Variants in FBN1 observed in about 807,000 individuals in gnomAD.
FBN1 encodes fibrillin 1, also known as fibrillin-1.
A neutral mutation model predicts 365.1 loss-of-function variants in FBN1; 29 were observed. The ratio of observed to expected loss-of-function variants is 0.08; its 90% CI spans 0.06 to 0.11. FBN1 has a LOEUF of 0.11. Ranked by LOEUF, FBN1 falls within the 10% of genes least tolerant of loss-of-function variation. FBN1 has a pLI of 1.00. For synonymous variants in FBN1, 1,210 were observed against 1,270.5 expected (o/e 0.95, Z 1.01); for missense variants, 2,476 against 3,703.2 (o/e 0.67, Z 8.60).
chr15:48,551,407 C>T (rs993000848), intron 6 of FBN1, among the ~76,000 whole-genome samples: 1 of 152,070 alleles, frequency 6.6e-6, no homozygotes, highest in African/African-American at 2.4e-5. Context: ...ACTCCCTTGC[C>T]TGGCCTTTTG....
intron 2 of FBN1, chr15:48,642,413 T>C (rs1311527786): frequency 6.6e-6 from 1 of 152,112 alleles, no homozygotes; most frequent in Non-Finnish European, 1.5e-5. Flanking sequence ...TAGATCCATA[T>C]GAGTTAATAG....
chr15:48,417,155 G>C (rs1416901812), intron 63 of FBN1, among the ~76,000 whole-genome samples: 5 of 151,620 alleles, frequency 3.3e-5, no homozygotes, highest in African/African-American at 4.8e-5. Context: ...CATTTAAGCT[G>C]GTGCTTCCTT....
At chr15:48,415,386 T>G (rs2042894103) in intron 64 of FBN1, 150 bp downstream of exon 64, 4 of 694,104 alleles carry the variant, frequency 5.8e-6, no homozygotes, top group Non-Finnish European at 1.0e-5. Context: ...TAAAATAACC[T>G]AAAACTTTTG....
intron 8 of FBN1, chr15:48,528,980 CTCATTCAT>C (rs1435696480): frequency 6.6e-6 from 1 of 152,226 alleles, no homozygotes; most frequent in African/African-American, 2.4e-5. Context: ...CACTCTGAAA[CTCATTCAT>C]ATGAATTTAT....
At position 48,487,226 on chromosome 15, in the gene FBN1, C is replaced by T. The variant is rs764400546; in HGVS notation, c.3464-26G>A. ...CTGTCGGGAAAATAAGAAGAACAAA[C>T]ACCCAAACATAAGCTTCCAACTTTG... On this transcript the variant is annotated intron_variant, in intron 28 of 65. Coordinates refer to ENST00000316623, the MANE Select transcript of FBN1 (RefSeq NM_000138.5). 1.7e-5 allele frequency: 27 copies of T among 1,614,140 alleles called. No homozygotes were observed. The Admixed American group carries it at 4.3e-4, about 26-fold the overall frequency.
rs866328505 is a variant in FBN1 at position 48,528,157 on chromosome 15, C to G, written c.863-1902G>C. On this transcript the variant is annotated intron_variant, in intron 8 of 65. Transcript: ENST00000316623. ...CAATGTGGTATTAAATATTTTTTCTCAACCCATTAATATAAATGACAGCTA... is the reference window on the plus strand; with the variant it reads ...CAATGTGGTATTAAATATTTTTTCTGAACCCATTAATATAAATGACAGCTA... 3.3e-5 allele frequency among the ~76,000 whole-genome samples: 5 copies of G among 152,304 alleles called. No individual in the cohort carries two copies. The Middle Eastern group carries it at 0.014, about 414-fold the overall frequency.
At chr15:48,485,653 G>A (rs1283716818) in intron 29 of FBN1, among the ~76,000 whole-genome samples, 157 bp from the exon 30 acceptor site, 1 of 152,168 alleles carries the variant, frequency 6.6e-6, no homozygotes, top group African/African-American at 2.4e-5. Flanking sequence ...CTCATGGTGG[G>A]ATCGGTGCTG....
Position 48,448,806 on chromosome 15 carries a change from G to C in FBN1, c.5633C>G (p.Thr1878Ser). Residue 1878 changes from threonine (T) to serine (S), a missense_variant, in exon 46 of 66, where the codon ACT becomes AGT. Physicochemically the swap from Thr to Ser is moderately conservative, Grantham distance 58 (BLOSUM62 1). Transcript: ENST00000316623. ...TVGSFYCLCHTGFKTNDDQTM... is the reference protein window; with the variant it reads ...TVGSFYCLCHSGFKTNDDQTM... Reference sequence around the variant, plus strand: ...TTGGTCATCATTTGTTTTAAAACCAGTGTGGCAAAGGCAATAAAAGCTTCC... The same window carrying C: ...TTGGTCATCATTTGTTTTAAAACCACTGTGGCAAAGGCAATAAAAGCTTCC... 1.9e-6 allele frequency: 3 copies of C among 1,613,084 alleles called. No homozygotes were observed. The highest frequency in any genetic ancestry group is 2.5e-6 in the Non-Finnish European group (3 of 1,179,308).
intron 44 of FBN1, 100 bp downstream of exon 44, chr15:48,456,537 C>A (rs1328596616): frequency 1.7e-6 from 2 of 1,167,040 alleles, no homozygotes; most frequent in Admixed American, 1.7e-5. Flanking sequence ...GAGCTTAATG[C>A]ATTTCTGAAA....
At chr15:48,622,806 A>G (rs1056920066) in intron 2 of FBN1, among the ~76,000 whole-genome samples, 1 of 151,962 alleles carries the variant, frequency 6.6e-6, no homozygotes, top group Non-Finnish European at 1.5e-5. Context: ...GCCCTCACTC[A>G]TGCACGCACT....
At chr15:48,471,094 A>C (rs1286109666) in intron 35 of FBN1, among the ~76,000 whole-genome samples, 1 of 150,674 alleles carries the variant, frequency 6.6e-6, no homozygotes, top group Non-Finnish European at 1.5e-5. Context: ...TTTTTTTTTT[A>C]ATCTATCTAT....
intron 24 of FBN1, 126 bp from the exon 25 acceptor site, chr15:48,490,204 A>T (rs949076074): frequency 1.1e-6 from 1 of 871,626 alleles, no homozygotes; most frequent in African/African-American, 1.7e-5. Context: ...GACTGGAATT[A>T]GTTTTATTCC....
At chr15:48,533,901 T>G (rs1158030724) in intron 8 of FBN1, among the ~76,000 whole-genome samples, 179 bp downstream of exon 8, 1 of 151,978 alleles carries the variant, frequency 6.6e-6, no homozygotes, top group Non-Finnish European at 1.5e-5. Flanking sequence ...AGCTACAGGG[T>G]TTTTCTGGTC....
At chr15:48,566,119 G>A (rs1275422134) in intron 6 of FBN1, among the ~76,000 whole-genome samples, 1 of 152,174 alleles carries the variant, frequency 6.6e-6, no homozygotes, top group East Asian at 1.9e-4. Flanking sequence ...AGAGTTTGCT[G>A]TAATCATCTG....
intron 6 of FBN1, among the ~76,000 whole-genome samples, chr15:48,567,998 T>TAAGAAAGAAGGA (rs2044269922): frequency 3.5e-5 from 2 of 56,534 alleles, no homozygotes; most frequent in African/African-American, 1.0e-4. Context: ...AGTATACAGA[T>TAAGAAAGAAGGA]AAGAAAGAAA....
intron 6 of FBN1, among the ~76,000 whole-genome samples, chr15:48,563,972 A>G (rs2044242184): frequency 6.6e-6 from 1 of 152,192 alleles, no homozygotes; most frequent in South Asian, 2.1e-4. Context: ...CTATGTAAAA[A>G]CAGTGCTCAA....
intron 64 of FBN1, among the ~76,000 whole-genome samples, chr15:48,413,184 C>T (rs546564128): frequency 6.6e-6 from 1 of 152,326 alleles, no homozygotes; most frequent in East Asian, 1.9e-4. Flanking sequence ...TTCTTGCATT[C>T]TCCCACTTCC....
At chr15:48,609,943 A>G (rs916373603) in intron 4 of FBN1, among the ~76,000 whole-genome samples, 1 of 152,168 alleles carries the variant, frequency 6.6e-6, no homozygotes, top group Non-Finnish European at 1.5e-5. Context: ...CTTATTCCAC[A>G]ATGTTTTTCT....
At chr15:48,496,016 A>T in intron 20 of FBN1, 84 bp downstream of exon 20, 5 of 1,543,426 alleles carry the variant, frequency 3.2e-6, no homozygotes, top group Non-Finnish European at 4.5e-6. Flanking sequence ...AAAATACAGG[A>T]GACTCTAATT....
Sources: allele counts gnomAD v4.1 joint callset (sites outside exome capture counted in the v4.1 genomes callset), GRCh38; gene constraint gnomAD v4.1.1; transcripts MANE v1.5; gene names NCBI Gene and HGNC (gene_info 2026-07-23, HGNC 2026-07-21).